KCNIP4: variants seen among roughly 807,000 people sequenced by gnomAD.
The protein encoded by KCNIP4 is Kv channel-interacting protein 4.
Under a neutral mutation model 34.0 loss-of-function variants are expected in KCNIP4, and 12 were observed. The observed-to-expected ratio is 0.35, with a 90% CI of 0.23 to 0.57. The LOEUF is 0.57. KCNIP4 is among the 20% of genes least tolerant of loss of function. KCNIP4 has a pLI of 0.83. For synonymous variants in KCNIP4, 124 were observed against 102.2 expected (o/e 1.21, Z -1.29); for missense variants, 238 against 311.7 (o/e 0.76, Z 1.78).
At chr4:21,058,808 C>T (rs938551716) in intron 1 of KCNIP4, among the ~76,000 whole-genome samples, 1 of 152,132 alleles carries the variant, frequency 6.6e-6, no homozygotes, top group Non-Finnish European at 1.5e-5. Context: ...CTGTAGAGAG[C>T]TGTCTTGCCC....
At chr4:21,381,253 G>A (rs1223995989) in intron 1 of KCNIP4, among the ~76,000 whole-genome samples, 1 of 152,146 alleles carries the variant, frequency 6.6e-6, no homozygotes. Context: ...ACCCAATTAA[G>A]CTTGAAGCTT....
intron 3 of KCNIP4, among the ~76,000 whole-genome samples, chr4:20,809,392 TTG>T (rs1715454331): frequency 6.6e-6 from 1 of 152,194 alleles, no homozygotes; most frequent in Non-Finnish European, 1.5e-5. Context: ...TTACTGTTGT[TTG>T]ACCTACTTCA....
intron 1 of KCNIP4, among the ~76,000 whole-genome samples, chr4:21,739,654 T>C (rs1716264671): frequency 6.6e-6 from 1 of 152,060 alleles, no homozygotes. Flanking sequence ...TTACATATGC[T>C]CAGAAAACTC....
At chr4:21,914,412 G>A (rs777563842) in intron 1 of KCNIP4, among the ~76,000 whole-genome samples, 25 of 152,072 alleles carry the variant, frequency 1.6e-4, no homozygotes, top group Non-Finnish European at 3.4e-4. Context: ...CTTTCTATAT[G>A]CTCTGACCTC....
chr4:20,761,389 T>A (rs1300743109), intron 3 of KCNIP4, among the ~76,000 whole-genome samples: 1 of 152,244 alleles, frequency 6.6e-6, no homozygotes, highest in Admixed American at 6.5e-5. Flanking sequence ...AGGTGGTATG[T>A]ATACAGCTAA....
At chr4:21,336,221 ATTAT>A (rs933690822) in intron 1 of KCNIP4, among the ~76,000 whole-genome samples, 12 of 152,038 alleles carry the variant, frequency 7.9e-5, no homozygotes, top group African/African-American at 2.9e-4. Flanking sequence ...ATAAACCACA[ATTAT>A]TTATCCTATT....
intron 1 of KCNIP4, among the ~76,000 whole-genome samples, chr4:21,910,655 A>G (rs1728254469): frequency 6.6e-6 from 1 of 152,224 alleles, no homozygotes; most frequent in African/African-American, 2.4e-5. Context: ...GCCATAAGGC[A>G]CTAAATTATA....
intron 1 of KCNIP4, among the ~76,000 whole-genome samples, chr4:21,638,590 A>C (rs527755609): frequency 6.6e-6 from 1 of 152,296 alleles, no homozygotes; most frequent in South Asian, 2.1e-4. Flanking sequence ...GCAAATTACT[A>C]GACAACTGAC....
chr4:21,584,214 T>C (rs979193903), intron 1 of KCNIP4, among the ~76,000 whole-genome samples: 1 of 152,090 alleles, frequency 6.6e-6, no homozygotes, highest in African/African-American at 2.4e-5. Context: ...TAAAGTTAAA[T>C]GAGTGTCTTT....
intron 1 of KCNIP4, among the ~76,000 whole-genome samples, chr4:20,934,692 A>C (rs1173100784): frequency 6.6e-6 from 1 of 152,262 alleles, no homozygotes; most frequent in African/African-American, 2.4e-5. Context: ...GTGAGGAGAA[A>C]TAAACAAAAA....
At chr4:20,898,893 T>C (rs1323453384) in intron 1 of KCNIP4, among the ~76,000 whole-genome samples, 1 of 152,232 alleles carries the variant, frequency 6.6e-6, no homozygotes, top group African/African-American at 2.4e-5. Flanking sequence ...TTATCACTCA[T>C]TTTAACAACA....
chr4:21,310,903 C>T (rs1356323662), intron 1 of KCNIP4, among the ~76,000 whole-genome samples: 1 of 152,186 alleles, frequency 6.6e-6, no homozygotes, highest in Non-Finnish European at 1.5e-5. Flanking sequence ...GCTGGGATTA[C>T]AGGAGTGAGC....
intron 1 of KCNIP4, among the ~76,000 whole-genome samples, chr4:21,576,651 T>C (rs1034734602): frequency 2.0e-5 from 3 of 152,184 alleles, no homozygotes; most frequent in African/African-American, 7.2e-5. Flanking sequence ...TTGCTAAATG[T>C]TTAGAAGACT....
intron 1 of KCNIP4, among the ~76,000 whole-genome samples, chr4:21,916,992 A>C (rs1728665229): frequency 1.3e-5 from 2 of 152,224 alleles, no homozygotes; most frequent in Admixed American, 6.5e-5. Context: ...TCTCAATAGC[A>C]TGGATGCAAC....
intron 1 of KCNIP4, among the ~76,000 whole-genome samples, chr4:21,883,338 C>G (rs769768966): frequency 6.6e-6 from 1 of 151,768 alleles, no homozygotes; most frequent in Non-Finnish European, 1.5e-5. Flanking sequence ...TTTTTAGAAA[C>G]GAGCGCTTAC....
intron 1 of KCNIP4, among the ~76,000 whole-genome samples, chr4:21,434,418 CT>C (rs572247804): frequency 2.0e-5 from 3 of 152,200 alleles, no homozygotes; most frequent in Admixed American, 6.5e-5. Flanking sequence ...AGAATTTGAA[CT>C]TTTTTTCTAC....
intron 1 of KCNIP4, among the ~76,000 whole-genome samples, chr4:21,834,778 A>T (rs1397086027): frequency 6.6e-6 from 1 of 151,834 alleles, no homozygotes; most frequent in East Asian, 1.9e-4. Context: ...TCAATACTTA[A>T]TTTATTGAGA....
intron 1 of KCNIP4, among the ~76,000 whole-genome samples, chr4:21,422,452 C>T (rs1043649154): frequency 2.0e-5 from 3 of 152,058 alleles, no homozygotes; most frequent in Non-Finnish European, 2.9e-5. Flanking sequence ...CTGCCCTCTT[C>T]GCCTCCCAAA....
intron 1 of KCNIP4, among the ~76,000 whole-genome samples, chr4:21,866,247 C>A (rs1725407900): frequency 6.6e-6 from 1 of 152,124 alleles, no homozygotes; most frequent in African/African-American, 2.4e-5. Flanking sequence ...TGGATTCAGG[C>A]AAATCACAGC....
Sources: gnomAD v4.1 joint callset for allele counts (sites outside exome capture counted in the v4.1 genomes callset) on GRCh38, gnomAD v4.1.1 for gene constraint, MANE v1.5 for transcripts, NCBI Gene and HGNC (gene_info 2026-07-23, HGNC 2026-07-21) for gene names.